RHOT1: variants seen among roughly 807,000 people sequenced by gnomAD.
RHOT1 encodes ras homolog family member T1.
Under a neutral mutation model 95.3 loss-of-function variants are expected in RHOT1, and 27 were observed. The ratio of observed to expected loss-of-function variants is 0.28; its 90% CI spans 0.21 to 0.39. RHOT1 has a LOEUF of 0.39. RHOT1 is among the 10% of genes least tolerant of loss of function. The pLI is 1.00. For synonymous variants in RHOT1, 227 were observed against 263.5 expected (o/e 0.86, Z 1.34); for missense variants, 578 against 786.7 (o/e 0.73, Z 3.17).
At chr17:32,215,610 T>A (rs570837560) in intron 19 of RHOT1, among the ~76,000 whole-genome samples, 11 of 152,350 alleles carry the variant, frequency 7.2e-5, no homozygotes, top group Non-Finnish European at 1.5e-4. Context: ...TATAACCTGA[T>A]AATGAATTTA....
At chr17:32,189,114 T>C (rs958211184) in intron 8 of RHOT1, among the ~76,000 whole-genome samples, 1 of 152,142 alleles carries the variant, frequency 6.6e-6, no homozygotes, top group African/African-American at 2.4e-5. Context: ...CTGGCTAAGA[T>C]GGTGAAACCC....
At chr17:32,157,538 G>A (rs1351902488) in intron 1 of RHOT1, among the ~76,000 whole-genome samples, 5 of 152,190 alleles carry the variant, frequency 3.3e-5, no homozygotes, top group African/African-American at 1.2e-4. Context: ...TTGGCTGGGC[G>A]CAGTAGCTCA....
Position 32,175,303 on chromosome 17 carries a change from T to A in RHOT1, c.179-16T>A. On this transcript the variant is annotated splice_polypyrimidine_tract_variant and intron_variant, in intron 3 of 19. Coordinates refer to ENST00000545287, the MANE Select transcript of RHOT1 (RefSeq NM_001033566.3). ...AGTGTCTGCAATATGAAACATTGACTTCCTGTCATTTGTAGAAGCAGAACA... is the reference window on the plus strand; with the variant it reads ...AGTGTCTGCAATATGAAACATTGACATCCTGTCATTTGTAGAAGCAGAACA... 6.2e-7 allele frequency: 1 copy of A among 1,611,632 alleles called. No individual in the cohort carries two copies. The highest frequency in any genetic ancestry group is 1.1e-5 in the South Asian group (1 of 90,984).
intron 19 of RHOT1, among the ~76,000 whole-genome samples, chr17:32,223,603 C>T (rs1317078786): frequency 6.6e-6 from 1 of 151,650 alleles, no homozygotes; most frequent in Non-Finnish European, 1.5e-5. Context: ...TTAGTAGAGA[C>T]GGGGTTTCAC....
intron 7 of RHOT1, 49 bp downstream of exon 7, chr17:32,182,914 T>A: frequency 8.1e-7 from 1 of 1,232,436 alleles, no homozygotes; most frequent in Non-Finnish European, 1.2e-6. Flanking sequence ...GAATTCTTAC[T>A]AAATTCGGGT....
At chr17:32,221,488 A>T (rs147340854) in intron 19 of RHOT1, among the ~76,000 whole-genome samples, 2 of 152,192 alleles carry the variant, frequency 1.3e-5, no homozygotes, top group African/African-American at 4.8e-5. Context: ...TTTGGAATAC[A>T]TGTGAGACCA....
At chr17:32,208,361 G>A (rs757800679) in intron 18 of RHOT1, 52 bp downstream of exon 18, 8 of 1,423,474 alleles carry the variant, frequency 5.6e-6, no homozygotes, top group Admixed American at 5.0e-5. Flanking sequence ...AACATTGCAT[G>A]CCATTATTAG....
intron 1 of RHOT1, among the ~76,000 whole-genome samples, chr17:32,169,749 T>A (rs2034416006): frequency 6.6e-6 from 1 of 152,208 alleles, no homozygotes; most frequent in Admixed American, 6.5e-5. Context: ...CTCACACCTG[T>A]AATCCCAGCA....
In RHOT1 at chr17:32,209,330, C is replaced by T. The variant is rs747929406; in HGVS notation, c.1739+1021C>T. On this transcript the variant is annotated intron_variant, in intron 18 of 19. Coordinates refer to ENST00000545287, the MANE Select transcript of RHOT1 (RefSeq NM_001033566.3). ...TATGTTTTACCTTTGCTTTAAAACTCTCATGTATGTTATCTACAGAGAGGA... is the reference window on the plus strand; with the variant it reads ...TATGTTTTACCTTTGCTTTAAAACTTTCATGTATGTTATCTACAGAGAGGA... 3.5e-6 allele frequency: 5 copies of T among 1,408,802 alleles called. No homozygotes were observed. The South Asian group carries it at 5.3e-5, about 15-fold the overall frequency. The allele number at this position is 1,408,802 out of a possible 1,614,324, so 87.3% of individuals were successfully genotyped here.
chr17:32,208,066 G>A, intron 17 of RHOT1, 41 bp from the exon 18 acceptor site: 2 of 1,542,916 alleles, frequency 1.3e-6, no homozygotes, highest in Non-Finnish European at 1.8e-6. Flanking sequence ...AGTAATTTTT[G>A]AACTTGTTAT....
At chr17:32,187,223 G>C (rs1421056027) in intron 8 of RHOT1, among the ~76,000 whole-genome samples, 1 of 152,094 alleles carries the variant, frequency 6.6e-6, no homozygotes, top group Non-Finnish European at 1.5e-5. Context: ...GGAGGTGGAG[G>C]TTGCAGTGAG....
chr17:32,150,958 TTGC>T (rs34323066), intron 1 of RHOT1: 344 of 1,544,376 alleles, frequency 2.2e-4, no homozygotes, highest in African/African-American at 3.9e-4. Flanking sequence ...GCTTTGCTGA[TTGC>T]TGCTGCTGCT....
In RHOT1 at chr17:32,175,319, A is replaced by G; in HGVS notation, c.179A>G (p.Glu60Gly). ...AACATTGACTTCCTGTCATTTGTAG[A>G]AGCAGAACAGAGTGATGAACAACTT... is the stretch of plus-strand genomic sequence containing the variant. The part of the protein sequence containing the change: ...RVPTHIVDYS[E>G]AEQSDEQLHQ... The change falls in exon 4 of 20, where the codon GAA (glutamate) becomes GGA (glycine). Residue 60 changes from glutamate (E) to glycine (G), a missense_variant and splice_region_variant. Glu to Gly is a moderately conservative substitution (Grantham distance 98). This residue lies in a region of RHOT1 where 51 missense variants were observed against 114.7 expected (regional missense o/e 0.44). Transcript: ENST00000545287. 2 of 1,613,420 alleles carry G rather than the reference A, an allele frequency of 1.2e-6. No individual in the cohort carries two copies. Among genetic ancestry groups the G allele is most frequent in the Non-Finnish European group, 1.7e-6 (2 of 1,179,360 alleles).
At chr17:32,217,591 C>T (rs1255817916) in intron 19 of RHOT1, among the ~76,000 whole-genome samples, 1 of 151,810 alleles carries the variant, frequency 6.6e-6, no homozygotes, top group Non-Finnish European at 1.5e-5. Flanking sequence ...CCCATCTCTA[C>T]TAAAAATACA....
chr17:32,207,763 T>C (rs969257715), intron 17 of RHOT1, among the ~76,000 whole-genome samples: 4 of 152,300 alleles, frequency 2.6e-5, no homozygotes, highest in South Asian at 2.1e-4. Flanking sequence ...AGAGGTGATA[T>C]TAAAAAATGA....
chr17:32,176,557 T>TA (rs2035022689), intron 6 of RHOT1, among the ~76,000 whole-genome samples: 1 of 147,322 alleles, frequency 6.8e-6, no homozygotes, highest in South Asian at 2.1e-4. Context: ...TTTATTTATT[T>TA]ATTTATTTAT....
rs185051534 is a variant in RHOT1, at chr17:32,203,133, A to C, written c.1332+233A>C. 1.8e-4 allele frequency among the ~76,000 whole-genome samples: 28 copies of C among 152,278 alleles called. 1 individual carries two copies. The East Asian group carries it at 5.2e-3, about 28-fold the overall frequency. On this transcript the variant is annotated intron_variant, in intron 15 of 19. Coordinates refer to ENST00000545287, the MANE Select transcript of RHOT1 (RefSeq NM_001033566.3). ...GTTTAAATGGGCATTAAATGACTAC[A>C]GATGTGAAAGCACCTAACACAGTCC...
In RHOT1 at chr17:32,176,029, T is replaced by G. The variant is rs758093592; in HGVS notation, c.276+14T>G. On this transcript the variant is annotated intron_variant, in intron 5 of 19. Transcript: ENST00000545287. Reference sequence around the variant, plus strand: ...TCTATTGATAAGGTAGGTGTGATCTTTTTTTCCCTATAGTTGGTTTCAGTG... The same window carrying G: ...TCTATTGATAAGGTAGGTGTGATCTGTTTTTCCCTATAGTTGGTTTCAGTG... 1 of 1,605,520 alleles carries G rather than the reference T, an allele frequency of 6.2e-7. No individual in the cohort carries two copies. The highest frequency in any genetic ancestry group is 1.1e-5 in the South Asian group (1 of 89,370).
chr17:32,166,360 C>T (rs904337894), intron 1 of RHOT1, among the ~76,000 whole-genome samples: 10 of 152,072 alleles, frequency 6.6e-5, no homozygotes, highest in African/African-American at 2.2e-4. Flanking sequence ...AGAGTCTTGC[C>T]TCAGGGTTGA....
Sources: allele counts gnomAD v4.1 joint callset (sites outside exome capture counted in the v4.1 genomes callset), GRCh38; gene constraint gnomAD v4.1.1; regional missense constraint gnomAD v4.1.1; transcripts MANE v1.5; gene names NCBI Gene and HGNC (gene_info 2026-07-23, HGNC 2026-07-21).